The following SLAMF9 variants were observed in gnomAD, a reference collection of about 807,000 sequenced individuals.
SLAMF9 encodes CD2 family member 10.
A neutral mutation model predicts 30.4 loss-of-function variants in SLAMF9; 25 were observed. The observed-to-expected ratio is 0.82, with a 90% CI of 0.60 to 1.15. The LOEUF is 1.15. Among genes scored for constraint, SLAMF9 ranks in the 50% most tolerant of loss-of-function variants. The pLI, the probability that SLAMF9 is intolerant of heterozygous loss-of-function variation, is 0.00. For synonymous variants in SLAMF9, 129 were observed against 127.2 expected, an observed-to-expected ratio of 1.01 and a Z score of -0.09; for missense variants, 344 against 346.1, an observed-to-expected ratio of 0.99 and a Z score of 0.05.
the SLAMF9 span, among the ~76,000 whole-genome samples, chr1:159,972,067 G>C: frequency 6.6e-6 from 1 of 152,148 alleles, no homozygotes; most frequent in Admixed American, 6.5e-5. Flanking sequence ...ACCCTGGGGG[G>C]AGGGTGCCTA....
At chr1:159,964,637 C>T in the SLAMF9 span, among the ~76,000 whole-genome samples, 1 of 152,168 alleles carries the variant, frequency 6.6e-6, no homozygotes, top group East Asian at 1.9e-4. Flanking sequence ...ACCAGAGGTT[C>T]GGAGTGGTGG....
At chr1:159,966,663 G>C in the SLAMF9 span, among the ~76,000 whole-genome samples, 1 of 152,148 alleles carries the variant, frequency 6.6e-6, no homozygotes, top group African/African-American at 2.4e-5. Flanking sequence ...CATTCTAACA[G>C]GTGTGAGGTG....
the SLAMF9 span, chr1:159,982,907 T>TA: frequency 6.6e-6 from 1 of 152,292 alleles, no homozygotes; most frequent in African/African-American, 2.4e-5. Context: ...CACGTGCCTG[T>TA]AGTCCCAACT....
At chr1:159,952,619 T>C in intron 2 of SLAMF9, 85 bp from the exon 3 acceptor site, 1 of 1,429,476 alleles carries the variant, frequency 7.0e-7, no homozygotes, top group East Asian at 2.3e-5. Context: ...GGGGTACTAA[T>C]GCTACCCCTT....
chr1:159,954,034 G>C, intron 1 of SLAMF9, 58 bp downstream of exon 1: 1 of 1,606,756 alleles, frequency 6.2e-7, no homozygotes, highest in Non-Finnish European at 8.5e-7. Flanking sequence ...GACCCAGTGG[G>C]GCAGGGGAAC....
the SLAMF9 span, among the ~76,000 whole-genome samples, chr1:159,981,885 C>T: frequency 6.9e-3 from 1,045 of 152,334 alleles, 10 homozygotes; most frequent in African/African-American, 0.024. Context: ...TGGAGCTGCA[C>T]CACAGTTTGA....
the SLAMF9 span, chr1:159,973,854 A>G: frequency 5.6e-6 from 9 of 1,613,432 alleles, no homozygotes; most frequent in Non-Finnish European, 4.2e-6. Flanking sequence ...TGGAATATAC[A>G]TCACCTGCCC....
chr1:159,952,798 C>T (rs1651805213), intron 2 of SLAMF9, among the ~76,000 whole-genome samples: 1 of 152,210 alleles, frequency 6.6e-6, no homozygotes, highest in African/African-American at 2.4e-5. Flanking sequence ...ACTCTACCTT[C>T]CTCCAAACCC....
At chr1:159,953,717 G>C (rs1312578767) in intron 1 of SLAMF9, 64 bp from the exon 2 acceptor site, 1 of 1,447,580 alleles carries the variant, frequency 6.9e-7, no homozygotes. Flanking sequence ...GAACCTGGCA[G>C]TGGAGCTGCC....
the SLAMF9 span, among the ~76,000 whole-genome samples, chr1:159,962,670 G>A: frequency 6.6e-6 from 1 of 152,206 alleles, no homozygotes; most frequent in African/African-American, 2.4e-5. Flanking sequence ...TATGAGACAA[G>A]CAGTTAAGGG....
At chr1:159,973,203 T>C in the SLAMF9 span, 1 of 1,406,296 alleles carries the variant, frequency 7.1e-7, no homozygotes, top group Non-Finnish European at 1.0e-6. Context: ...CAGCTTTGTT[T>C]GACATCTCAG....
At chr1:159,961,892 C>A in the SLAMF9 span, among the ~76,000 whole-genome samples, 2 of 151,754 alleles carry the variant, frequency 1.3e-5, no homozygotes, top group Non-Finnish European at 2.9e-5. Context: ...GGCGTGGCGG[C>A]TCATGCCTAT....
At chr1:159,976,258 T>A in the SLAMF9 span, among the ~76,000 whole-genome samples, 4 of 152,190 alleles carry the variant, frequency 2.6e-5, no homozygotes, top group African/African-American at 9.7e-5. Context: ...GGTCCAGCCA[T>A]ATAATGAAAT....
At position 159,954,162 on chromosome 1, in the gene SLAMF9, T is replaced by C. The variant is rs573973237; in HGVS notation, c.-25A>G. On this transcript the variant is annotated 5_prime_UTR_variant, in exon 1 of 4. Transcript: ENST00000368093. ...TGTCAGCAGCCCCCAGCCCCAGAGG[T>C]GTGATTCAGTCAGTCAGTCCCCAGG... 3.7e-6 allele frequency: 6 copies of C among 1,613,532 alleles called. No homozygotes were observed. Among genetic ancestry groups the C allele is most frequent in the African/African-American group, 2.7e-5 (2 of 74,886 alleles).
At chr1:159,956,815 G>C (rs1651930771), upstream of SLAMF9, among the ~76,000 whole-genome samples, 1 of 152,096 alleles carries the variant, frequency 6.6e-6, no homozygotes, top group South Asian at 2.1e-4. Context: ...ACTTAATGTG[G>C]AATGTATAAA....
the SLAMF9 span, among the ~76,000 whole-genome samples, chr1:159,982,714 A>G: frequency 1.3e-4 from 20 of 152,326 alleles, no homozygotes; most frequent in African/African-American, 4.3e-4. Context: ...GTACATATGC[A>G]TACACACACA....
chr1:159,961,811 G>A, the SLAMF9 span, among the ~76,000 whole-genome samples: 5 of 152,200 alleles, frequency 3.3e-5, no homozygotes, highest in African/African-American at 1.2e-4. Context: ...ACGGACTGCA[G>A]GCCGCTCACT....
chr1:159,982,366 G>T, the SLAMF9 span, among the ~76,000 whole-genome samples: 151,885 of 152,268 alleles, frequency 1, 75,752 homozygotes, highest in Middle Eastern at 1. Context: ...GACATATAAC[G>T]CCTCCTTTTT....
At chr1:159,967,015 T>C in the SLAMF9 span, among the ~76,000 whole-genome samples, 1 of 152,216 alleles carries the variant, frequency 6.6e-6, no homozygotes, top group East Asian at 1.9e-4. Flanking sequence ...TTTTTGCTTT[T>C]GTTACCTGAG....
Sources: gnomAD v4.1 joint callset for allele counts (sites outside exome capture counted in the v4.1 genomes callset) on GRCh38, gnomAD v4.1.1 for gene constraint, MANE v1.5 for transcripts, NCBI Gene and HGNC (gene_info 2026-07-23, HGNC 2026-07-21) for gene names.